The following MAST4 variants were observed in gnomAD, a reference collection of about 807,000 sequenced individuals.
The protein encoded by MAST4 is microtubule associated serine/threonine kinase family member 4, also known as microtubule-associated serine/threonine-protein kinase 4.
MAST4 carries 89 observed loss-of-function variants against 162.7 expected under a neutral mutation model. The ratio of observed to expected loss-of-function variants is 0.55; its 90% confidence interval spans 0.46 to 0.65. MAST4 has a LOEUF of 0.65. Ranked by LOEUF, MAST4 falls within the 30% of genes least tolerant of loss-of-function variation. The pLI, the probability that MAST4 is intolerant of heterozygous loss-of-function variation, is 0.00. For synonymous variants in MAST4, 1,479 were observed against 1,361.1 expected, an observed-to-expected ratio of 1.09 and a Z score of -1.91; for missense variants, 3,153 against 3,374.0, an observed-to-expected ratio of 0.93 and a Z score of 1.62.
rs1751116022 is a variant in MAST4, at chr5:67,000,128, C to G, written c.675-54276C>G. 2.0e-5 allele frequency among the ~76,000 whole-genome samples: 3 copies of G among 152,182 alleles called. No homozygotes were observed. The South Asian group carries it at 6.2e-4, about 32-fold the overall frequency. On this transcript the variant is annotated intron_variant, in intron 4 of 28. Transcript: ENST00000403625. ...CTCAAGACCACATTTAGAAGGTGAC[C>G]AAAGTGGACTTGAAGGTGTGGACAG...
At chr5:66,937,980 A>G (rs1423461) in intron 4 of MAST4, among the ~76,000 whole-genome samples, 11,208 of 151,986 alleles carry the variant, frequency 0.074, 1,292 homozygotes, top group African/African-American at 0.25. Context: ...TGTCATTGGC[A>G]GCAAAACTGG....
intron 3 of MAST4, among the ~76,000 whole-genome samples, chr5:66,874,276 G>T (rs1761140744): frequency 6.6e-6 from 1 of 152,156 alleles, no homozygotes; most frequent in Non-Finnish European, 1.5e-5. Context: ...CAAAGACCAT[G>T]GAGCAGTTAT....
chr5:66,612,247 T>G (rs1368356305), intron 1 of MAST4, among the ~76,000 whole-genome samples: 1 of 152,218 alleles, frequency 6.6e-6, no homozygotes, highest in Non-Finnish European at 1.5e-5. Flanking sequence ...TCACTTGAAC[T>G]TCTGAAGGGC....
chr5:67,136,708 A>G (rs2151014058), intron 19 of MAST4, 44 bp downstream of exon 19: 3 of 1,424,234 alleles, frequency 2.1e-6, no homozygotes, highest in Non-Finnish European at 2.9e-6. Flanking sequence ...GCAAGAAATA[A>G]TGTCTACATG....
At chr5:66,669,564 A>G (rs1009455917) in intron 1 of MAST4, among the ~76,000 whole-genome samples, 1 of 152,164 alleles carries the variant, frequency 6.6e-6, no homozygotes, top group African/African-American at 2.4e-5. Context: ...GTAGGGAGCA[A>G]ATACCAGGAA....
chr5:67,006,779 A>G (rs1314900370), intron 4 of MAST4, among the ~76,000 whole-genome samples: 1 of 152,168 alleles, frequency 6.6e-6, no homozygotes, highest in African/African-American at 2.4e-5. Flanking sequence ...GAACACTCCA[A>G]TTCAGACAGC....
In MAST4 at chr5:67,079,233, C is replaced by T. The variant is rs1448448847; in HGVS notation, c.764-10929C>T. 2.6e-5 allele frequency among the ~76,000 whole-genome samples: 4 copies of T among 151,466 alleles called. No individual in the cohort carries two copies. In the East Asian group the frequency reaches 7.7e-4, roughly 29 times the overall value. On this transcript the variant is annotated intron_variant, in intron 5 of 28. Coordinates refer to ENST00000403625, the MANE Select transcript of MAST4 (RefSeq NM_001164664.2). Reference sequence around the variant, plus strand: ...AGTATAAATATTCATTCATAAAATACTAAGTAAATGATGCTAACTGAAATA... The same window carrying T: ...AGTATAAATATTCATTCATAAAATATTAAGTAAATGATGCTAACTGAAATA...
chr5:66,790,651 C>G (rs549053002), intron 3 of MAST4, among the ~76,000 whole-genome samples: 1 of 152,116 alleles, frequency 6.6e-6, no homozygotes, highest in Admixed American at 6.5e-5. Context: ...CTCAAGAGAT[C>G]CTCCTGCCTC....
intron 4 of MAST4, among the ~76,000 whole-genome samples, chr5:66,909,035 C>CT (rs1763566187): frequency 6.6e-6 from 1 of 152,126 alleles, no homozygotes; most frequent in South Asian, 2.1e-4. Context: ...GCCCTTCTTT[C>CT]TCTCCCCCCA....
intron 21 of MAST4, 200 bp downstream of exon 21, chr5:67,142,733 A>G (rs1420761468): frequency 4.3e-6 from 2 of 464,060 alleles, no homozygotes; most frequent in Admixed American, 7.7e-5. Flanking sequence ...CTGCCATTTT[A>G]CCTTCTCTCT....
At chr5:66,977,666 C>G (rs1379792088) in intron 4 of MAST4, among the ~76,000 whole-genome samples, 1 of 152,160 alleles carries the variant, frequency 6.6e-6, no homozygotes, top group Non-Finnish European at 1.5e-5. Flanking sequence ...CCATCAAGTT[C>G]TGCTCTTGGG....
At chr5:66,896,586 AAAAG>A (rs2149966036) in intron 3 of MAST4, among the ~76,000 whole-genome samples, 1 of 152,316 alleles carries the variant, frequency 6.6e-6, no homozygotes, top group African/African-American at 2.4e-5. Context: ...CCTTAGTTAG[AAAAG>A]AAGCGTTCAG....
chr5:67,003,943 GTGAGTGTGGCTTCCCGTC>G (rs1369456166), intron 4 of MAST4: 1 of 152,228 alleles, frequency 6.6e-6, no homozygotes, highest in Non-Finnish European at 1.5e-5. Context: ...GAGGTTTTCG[GTGAGTGTGGCTTCCCGTC>G]CGCGTGCTTT....
rs1195101216 is a variant in MAST4 at position 67,166,413 on chromosome 5, A to C, written c.7234A>C (p.Lys2412Gln). Residue 2412 changes from lysine to glutamine, a missense_variant, in exon 29 of 29, where the codon AAG becomes CAG. Transcript: ENST00000403625. ...GAERPAAGVG[K>Q]GFPEARGKGP... is the part of the protein sequence containing the mutation. ...GGAGCGGCCAGCCGCGGGGGTGGGG[A>C]AGGGCTTCCCTGAGGCCAGAGGGAA... 6.2e-7 allele frequency: 1 copy of C among 1,609,118 alleles called. No homozygotes were observed. The highest frequency in any genetic ancestry group is 8.5e-7 in the Non-Finnish European group (1 of 1,177,808).
intron 3 of MAST4, among the ~76,000 whole-genome samples, chr5:66,891,175 G>A (rs1387294793): frequency 1.3e-5 from 2 of 152,070 alleles, no homozygotes; most frequent in Non-Finnish European, 2.9e-5. Context: ...CTTAACTTCC[G>A]AAAGGCCCTC....
chr5:67,078,084 G>A (rs1581464317), intron 5 of MAST4, among the ~76,000 whole-genome samples: 1 of 151,878 alleles, frequency 6.6e-6, no homozygotes, highest in Admixed American at 6.6e-5. Context: ...GGGCAACGAG[G>A]GCAAAACTCT....
At chr5:66,980,745 G>C (rs1173411146) in intron 4 of MAST4, among the ~76,000 whole-genome samples, 2 of 152,200 alleles carry the variant, frequency 1.3e-5, no homozygotes, top group African/African-American at 2.4e-5. Context: ...TACGTAGCGT[G>C]TCTCTCTTTG....
intron 26 of MAST4, among the ~76,000 whole-genome samples, chr5:67,159,406 A>C (rs936309044): frequency 6.6e-6 from 1 of 152,144 alleles, no homozygotes. Flanking sequence ...TCAAGGGGGA[A>C]GGTAGATGCT....
chr5:66,630,554 A>G (rs2149420784), intron 1 of MAST4, among the ~76,000 whole-genome samples: 1 of 152,310 alleles, frequency 6.6e-6, no homozygotes, highest in South Asian at 2.1e-4. Context: ...ACAAATTTAC[A>G]AACACTTTAG....
Sources: gnomAD v4.1 joint callset for allele counts (sites outside exome capture counted in the v4.1 genomes callset) on GRCh38, gnomAD v4.1.1 for gene constraint, MANE v1.5 for transcripts, NCBI Gene and HGNC (gene_info 2026-07-23, HGNC 2026-07-21) for gene names.